The following B4GALT1 variants were observed in gnomAD, a reference collection of about 807,000 sequenced individuals.
The protein encoded by B4GALT1 is beta-1,4-galactosyltransferase 1, also known as N-acetyllactosamine synthase.
Under a neutral mutation model 34.9 loss-of-function variants are expected in B4GALT1, and 16 were observed. The ratio of observed to expected loss-of-function variants is 0.46; its 90% CI spans 0.31 to 0.70. B4GALT1 has a LOEUF of 0.70. B4GALT1 is among the 30% of genes least tolerant of loss of function. The probability of loss-of-function intolerance (pLI) is 0.05; values close to 1 mark genes in which losing one functional copy is unlikely to be tolerated. For missense variants in B4GALT1, 445 were observed against 530.5 expected, an observed-to-expected ratio of 0.84 and a Z score of 1.58; for synonymous variants, 221 against 218.1, an observed-to-expected ratio of 1.01 and a Z score of -0.12.
chr9:33,150,268 AG>A (rs1269457009), intron 1 of B4GALT1, among the ~76,000 whole-genome samples: 94 of 150,688 alleles, frequency 6.2e-4, no homozygotes, highest in Middle Eastern at 3.4e-3. Flanking sequence ...ACACACACAG[AG>A]CGAGAGAGAG....
At chr9:33,165,601 T>G (rs1399087922) in intron 1 of B4GALT1, among the ~76,000 whole-genome samples, 1 of 152,066 alleles carries the variant, frequency 6.6e-6, no homozygotes, top group Non-Finnish European at 1.5e-5. Context: ...TGAGCAAGAG[T>G]ATGTAGTAGC....
chr9:33,167,071 G>T lies in B4GALT1; in HGVS notation c.99C>A (p.His33Gln). ...CRLLVAVCALHLGVTLVYYLA... is the reference protein window; with the variant it reads ...CRLLVAVCALQLGVTLVYYLA... The stretch of plus-strand genomic sequence containing the variant: ...GGTAGTAAACGAGGGTGACGCCAAG[G>T]TGCAGAGCGCAGACGGCCACGAGCA... The change falls in exon 1 of 6, where the codon CAC (histidine) becomes CAA (glutamine). Residue 33 changes from histidine to glutamine, a missense_variant. By Grantham distance (24) the His-to-Gln change is conservative (BLOSUM62 0). This residue lies in a region of B4GALT1 where 349 missense variants were observed against 395.5 expected (regional missense o/e 0.88). Coordinates refer to ENST00000379731, the MANE Select transcript of B4GALT1 (RefSeq NM_001497.4). The T allele has an allele frequency of 1.9e-6, 3 of 1,603,634 alleles. No homozygotes were observed. The highest frequency in any genetic ancestry group is 1.7e-6 in the Non-Finnish European group (2 of 1,179,096).
At chr9:33,151,242 A>C (rs1840513253) in intron 1 of B4GALT1, among the ~76,000 whole-genome samples, 3 of 152,236 alleles carry the variant, frequency 2.0e-5, no homozygotes, top group Admixed American at 6.5e-5. Context: ...AGAGATTTCT[A>C]AGCTACTCAA....
chr9:33,148,723 C>A (rs1009240361), intron 1 of B4GALT1, among the ~76,000 whole-genome samples: 1 of 150,834 alleles, frequency 6.6e-6, no homozygotes. Flanking sequence ...GGAACTAGAG[C>A]TCATTGGAGA....
In B4GALT1 at chr9:33,114,121, G is replaced by A. The variant is rs146422397; in HGVS notation, c.960-243C>T. Among the ~76,000 whole-genome samples, 955 of 152,344 alleles carry A rather than the reference G, an allele frequency of 6.3e-3. 11 individuals are homozygous for A. The highest frequency in any genetic ancestry group is 0.021 in the African/African-American group (889 of 41,564). Reference sequence around the variant, plus strand: ...TGACTACCATGTGCCAGACACTGGGGCCGTGTGCCCCACAGAATATACAGT... The same window carrying A: ...TGACTACCATGTGCCAGACACTGGGACCGTGTGCCCCACAGAATATACAGT... On this transcript the variant is annotated intron_variant, in intron 4 of 5. Coordinates refer to ENST00000379731, the MANE Select transcript of B4GALT1 (RefSeq NM_001497.4).
intron 3 of B4GALT1, 144 bp from the exon 4 acceptor site, chr9:33,116,257 T>C (rs2054239991): frequency 1.1e-5 from 12 of 1,096,206 alleles, no homozygotes; most frequent in Non-Finnish European, 1.5e-5. Context: ...TTTTGAGACG[T>C]AGTCTTGCTC....
intron 1 of B4GALT1, among the ~76,000 whole-genome samples, chr9:33,143,203 G>A (rs763135578): frequency 6.6e-6 from 1 of 152,116 alleles, no homozygotes; most frequent in Non-Finnish European, 1.5e-5. Flanking sequence ...GGTCCACACA[G>A]CAGACCGTAG....
chr9:33,120,906 T>G (rs1237629873), intron 2 of B4GALT1, among the ~76,000 whole-genome samples: 2 of 152,274 alleles, frequency 1.3e-5, no homozygotes, highest in Middle Eastern at 6.8e-3. Flanking sequence ...AGGGAACTGG[T>G]TCAATAAATC....
chr9:33,132,433 G>C (rs190746634), intron 2 of B4GALT1, among the ~76,000 whole-genome samples: 49 of 152,342 alleles, frequency 3.2e-4, no homozygotes, highest in Non-Finnish European at 2.2e-4. Context: ...GGGTACCAAA[G>C]GCTCTGCGGG....
intron 2 of B4GALT1, among the ~76,000 whole-genome samples, chr9:33,126,802 A>C (rs1339577214): frequency 1.3e-5 from 2 of 152,172 alleles, no homozygotes; most frequent in Non-Finnish European, 2.9e-5. Context: ...CACCACTCTC[A>C]AGAGTGAGCA....
At chr9:33,149,936 T>C (rs1480577316) in intron 1 of B4GALT1, among the ~76,000 whole-genome samples, 1 of 152,160 alleles carries the variant, frequency 6.6e-6, no homozygotes, top group Non-Finnish European at 1.5e-5. Flanking sequence ...ATACAACACA[T>C]GGTTTTCTTC....
intron 1 of B4GALT1, among the ~76,000 whole-genome samples, chr9:33,155,248 A>C (rs1840579455): frequency 6.6e-6 from 1 of 152,062 alleles, no homozygotes; most frequent in Non-Finnish European, 1.5e-5. Flanking sequence ...AGAGAGCTGG[A>C]CTTTAGGGTC....
intron 2 of B4GALT1, among the ~76,000 whole-genome samples, chr9:33,123,981 C>T (rs968435065): frequency 1.3e-5 from 2 of 152,236 alleles, no homozygotes; most frequent in African/African-American, 4.8e-5. Context: ...TCATCCCAGC[C>T]TGGCCTCATC....
chr9:33,122,902 G>C (rs1321516600), intron 2 of B4GALT1, among the ~76,000 whole-genome samples: 1 of 152,136 alleles, frequency 6.6e-6, no homozygotes, highest in East Asian at 1.9e-4. Context: ...CCCAGCATTA[G>C]GGAGGCTGAG....
At chr9:33,182,233 G>A in the B4GALT1 span, among the ~76,000 whole-genome samples, 1 of 152,032 alleles carries the variant, frequency 6.6e-6, no homozygotes, top group African/African-American at 2.4e-5. Flanking sequence ...TCTTCACATG[G>A]CCTTCTCTCT....
At chr9:33,133,253 G>A (rs1840219864) in intron 2 of B4GALT1, among the ~76,000 whole-genome samples, 2 of 152,226 alleles carry the variant, frequency 1.3e-5, no homozygotes, top group South Asian at 4.1e-4. Context: ...ACAGCTGTCT[G>A]TCTTCTACTC....
the B4GALT1 span, among the ~76,000 whole-genome samples, chr9:33,181,937 G>C: frequency 3.0e-4 from 44 of 148,604 alleles, no homozygotes; most frequent in East Asian, 1.6e-3. Context: ...GCAGGGACAG[G>C]CTTCTTCTTC....
upstream of B4GALT1, among the ~76,000 whole-genome samples, chr9:33,172,022 G>C (rs915103580): frequency 6.6e-6 from 1 of 152,212 alleles, no homozygotes; most frequent in Non-Finnish European, 1.5e-5. Context: ...CAGGTCCAAA[G>C]TATTGTCTAA....
chr9:33,118,692 A>T (rs1839977168), intron 3 of B4GALT1, among the ~76,000 whole-genome samples: 1 of 151,866 alleles, frequency 6.6e-6, no homozygotes, highest in Admixed American at 6.6e-5. Flanking sequence ...GAAAAAGAAA[A>T]AAAGTTGTAT....
Sources: gnomAD v4.1 joint callset for allele counts (sites outside exome capture counted in the v4.1 genomes callset) on GRCh38, gnomAD v4.1.1 for gene constraint, gnomAD v4.1.1 regional missense constraint, MANE v1.5 for transcripts, NCBI Gene and HGNC (gene_info 2026-07-23, HGNC 2026-07-21) for gene names.